The following RORA variants were observed in gnomAD, a reference collection of about 807,000 sequenced individuals.
The protein encoded by RORA is nuclear receptor ROR-alpha.
In RORA, 7 loss-of-function variants were observed where a neutral mutation model predicts 69.5. The ratio of observed to expected loss-of-function variants is 0.10; its 90% CI spans 0.06 to 0.19. RORA has a LOEUF of 0.19. Ranked by LOEUF, RORA falls within the 10% of genes least tolerant of loss-of-function variation. The probability of loss-of-function intolerance (pLI) is 1.00; values close to 1 mark genes in which losing one functional copy is unlikely to be tolerated. For missense variants in RORA, 457 were observed against 663.0 expected (o/e 0.69, Z 3.41); for synonymous variants, 261 against 240.8 (o/e 1.08, Z -0.78).
chr15:61,207,378 C>T (rs1386274048), intron 1 of RORA, among the ~76,000 whole-genome samples: 2 of 152,174 alleles, frequency 1.3e-5, no homozygotes, highest in Non-Finnish European at 2.9e-5. Context: ...AACCACATTT[C>T]CAGAGCTAGG....
At chr15:61,101,052 A>G (rs908497003) in intron 1 of RORA, among the ~76,000 whole-genome samples, 9 of 152,258 alleles carry the variant, frequency 5.9e-5, no homozygotes, top group African/African-American at 2.2e-4. Context: ...ACTGCTCATC[A>G]GATGCTTGTA....
At position 60,748,826 on chromosome 15, in the gene RORA, T is replaced by A. The variant is rs117424474; in HGVS notation, c.167-70140A>T. Among the ~76,000 whole-genome samples the A allele has an allele frequency of 2.4e-3, 361 of 152,246 alleles. 1 individual carries two copies. Among genetic ancestry groups the A allele is most frequent in the Middle Eastern group, 0.01 (3 of 294 alleles). On this transcript the variant is annotated intron_variant, in intron 1 of 10. Coordinates refer to ENST00000335670, the MANE Select transcript of RORA (RefSeq NM_134261.3). ...CCTCCCTGTTTAAGGGGGAGATCAG[T>A]CTGCACTAGTGGGAGTGTTTGTATT...
chr15:60,597,742 C>T (rs1012869468), intron 2 of RORA, among the ~76,000 whole-genome samples: 6 of 148,424 alleles, frequency 4.0e-5, no homozygotes, highest in East Asian at 2.0e-4. Context: ...TACATCACAT[C>T]GGGCAAGCCA....
At chr15:61,037,834 A>C (rs1896537027) in intron 1 of RORA, among the ~76,000 whole-genome samples, 1 of 152,220 alleles carries the variant, frequency 6.6e-6, no homozygotes, top group Admixed American at 6.5e-5. Flanking sequence ...ACACAGAGTA[A>C]GTAGTAATTA....
chr15:60,909,602 C>G (rs1891643473), intron 1 of RORA, among the ~76,000 whole-genome samples: 1 of 152,094 alleles, frequency 6.6e-6, no homozygotes, highest in South Asian at 2.1e-4. Flanking sequence ...GTTAAAGTAG[C>G]CAATCTACTT....
chr15:60,651,340 T>C (rs1399655221), intron 2 of RORA, among the ~76,000 whole-genome samples: 1 of 152,186 alleles, frequency 6.6e-6, no homozygotes, highest in Non-Finnish European at 1.5e-5. Flanking sequence ...TACCACACGT[T>C]GCTTGCCTCT....
At chr15:60,644,283 T>G (rs1226525280) in intron 2 of RORA, among the ~76,000 whole-genome samples, 1 of 152,144 alleles carries the variant, frequency 6.6e-6, no homozygotes, top group Non-Finnish European at 1.5e-5. Context: ...TTAAACACAT[T>G]AACAGTGGTA....
chr15:61,137,814 A>G (rs531428124), intron 1 of RORA, among the ~76,000 whole-genome samples: 22 of 152,366 alleles, frequency 1.4e-4, no homozygotes, highest in African/African-American at 5.3e-4. Flanking sequence ...ATAGGTAATA[A>G]CAGGTTACCA....
chr15:60,593,180 A>G, intron 2 of RORA: 1 of 285,510 alleles, frequency 3.5e-6, no homozygotes. Context: ...ACCCTTGGAT[A>G]TTGGCAGTTA....
intron 1 of RORA, among the ~76,000 whole-genome samples, chr15:60,809,732 TC>T (rs2072715232): frequency 6.6e-6 from 1 of 152,096 alleles, no homozygotes; most frequent in South Asian, 2.1e-4. Context: ...TAAATGCTAT[TC>T]ACCAATGGGG....
intron 1 of RORA, among the ~76,000 whole-genome samples, chr15:60,823,348 G>A (rs777344518): frequency 4.6e-5 from 7 of 152,072 alleles, no homozygotes; most frequent in Non-Finnish European, 1.0e-4. Flanking sequence ...AGCCACCACA[G>A]GCTTTCCCTG....
chr15:60,594,448 C>G (rs2068623815), intron 2 of RORA, among the ~76,000 whole-genome samples: 1 of 152,190 alleles, frequency 6.6e-6, no homozygotes, highest in South Asian at 2.1e-4. Flanking sequence ...ACTGCATCCT[C>G]GGAAGTATGT....
chr15:60,953,993 G>A (rs947007756), intron 1 of RORA, among the ~76,000 whole-genome samples: 9 of 151,862 alleles, frequency 5.9e-5, no homozygotes, highest in South Asian at 2.1e-4. Flanking sequence ...ACATGCACAC[G>A]TCTGTTTATT....
At chr15:60,886,031 T>G (rs1336479075) in intron 1 of RORA, among the ~76,000 whole-genome samples, 1 of 152,214 alleles carries the variant, frequency 6.6e-6, no homozygotes, top group Non-Finnish European at 1.5e-5. Flanking sequence ...CCCCACTGTT[T>G]GTCTTGTTGA....
chr15:61,173,086 G>T (rs1272936444), intron 1 of RORA, among the ~76,000 whole-genome samples: 1 of 151,830 alleles, frequency 6.6e-6, no homozygotes, highest in Non-Finnish European at 1.5e-5. Flanking sequence ...TCTCTTTCCT[G>T]GTATTAATAA....
At chr15:60,696,978 A>G (rs2070915588) in intron 1 of RORA, among the ~76,000 whole-genome samples, 1 of 152,202 alleles carries the variant, frequency 6.6e-6, no homozygotes, top group Non-Finnish European at 1.5e-5. Context: ...CCTGCTCATT[A>G]AACTGATATA....
intron 1 of RORA, among the ~76,000 whole-genome samples, chr15:60,819,807 C>A (rs77778808): frequency 2.2e-5 from 3 of 137,710 alleles, no homozygotes; most frequent in African/African-American, 6.3e-5. Flanking sequence ...GTTGCTTTTT[C>A]ATGGGTGGAA....
At chr15:61,187,021 G>A (rs922509140) in intron 1 of RORA, among the ~76,000 whole-genome samples, 1 of 152,224 alleles carries the variant, frequency 6.6e-6, no homozygotes, top group African/African-American at 2.4e-5. Context: ...TCTCTGAAAT[G>A]CCAGTGAGTT....
chr15:60,591,180 G>C (rs1308746825), intron 2 of RORA, among the ~76,000 whole-genome samples: 2 of 152,208 alleles, frequency 1.3e-5, no homozygotes, highest in African/African-American at 4.8e-5. Flanking sequence ...TGCGCATTAG[G>C]GAAGCCGCGT....
Sources: gnomAD v4.1 joint callset for allele counts (sites outside exome capture counted in the v4.1 genomes callset) on GRCh38, gnomAD v4.1.1 for gene constraint, MANE v1.5 for transcripts, NCBI Gene and HGNC (gene_info 2026-07-23, HGNC 2026-07-21) for gene names.